PDE1C: variants seen among roughly 807,000 people sequenced by gnomAD.
The protein encoded by PDE1C is phosphodiesterase 1C, also known as dual specificity calcium/calmodulin-dependent 3',5'-cyclic nucleotide phosphodiesterase 1C.
In PDE1C, 62 loss-of-function variants were observed where a neutral mutation model predicts 93.1. The observed-to-expected ratio is 0.67, with a 90% CI of 0.54 to 0.82. PDE1C has a LOEUF of 0.82. Among genes scored for constraint, PDE1C ranks in the 40% least tolerant of loss-of-function variants. The pLI is 0.00. For synonymous variants in PDE1C, 325 were observed against 310.1 expected (o/e 1.05, Z -0.50); for missense variants, 742 against 884.6 (o/e 0.84, Z 2.04).
chr7:32,406,982 A>C (rs959485556), intron 1 of PDE1C, among the ~76,000 whole-genome samples: 1 of 152,212 alleles, frequency 6.6e-6, no homozygotes, highest in African/African-American at 2.4e-5. Flanking sequence ...TGGAAGTTAA[A>C]AAACAAAAAC....
chr7:32,381,393 C>G (rs1784531525), intron 1 of PDE1C, among the ~76,000 whole-genome samples: 1 of 152,088 alleles, frequency 6.6e-6, no homozygotes, highest in East Asian at 1.9e-4. Context: ...TCAACTCACC[C>G]TCACCATGGC....
At chr7:31,969,083 G>A (rs1356470552) in intron 2 of PDE1C, among the ~76,000 whole-genome samples, 1 of 152,084 alleles carries the variant, frequency 6.6e-6, no homozygotes, top group Non-Finnish European at 1.5e-5. Context: ...AAGGATTCCA[G>A]GTCTAAAACA....
At chr7:32,078,124 A>G (rs1334859184) in intron 3 of PDE1C, 1 of 668,844 alleles carries the variant, frequency 1.5e-6, no homozygotes. Flanking sequence ...CCAAAGGTAC[A>G]TAAATCAGCG....
the PDE1C span, chr7:31,658,423 T>G: frequency 1.4e-6 from 2 of 1,476,070 alleles, no homozygotes; most frequent in Non-Finnish European, 1.8e-6. Context: ...AATAATCAGT[T>G]TCCAGAGTAT....
the PDE1C span, among the ~76,000 whole-genome samples, chr7:31,702,513 C>T: frequency 6.6e-6 from 1 of 152,198 alleles, no homozygotes; most frequent in African/African-American, 2.4e-5. Context: ...TCAGCCAGCT[C>T]GAAGCCTCTG....
At chr7:32,116,018 A>T (rs1020003091) in intron 3 of PDE1C, among the ~76,000 whole-genome samples, 5 of 152,224 alleles carry the variant, frequency 3.3e-5, no homozygotes, top group African/African-American at 4.8e-5. Flanking sequence ...AAATCTCAGG[A>T]AATTGGGATA....
At chr7:31,677,312 G>T in the PDE1C span, among the ~76,000 whole-genome samples, 1 of 152,060 alleles carries the variant, frequency 6.6e-6, no homozygotes, top group South Asian at 2.1e-4. Context: ...TTTTGTGAAG[G>T]GAGACAATTG....
chr7:32,123,525 T>G (rs1306771221), intron 3 of PDE1C, among the ~76,000 whole-genome samples: 1 of 152,140 alleles, frequency 6.6e-6, no homozygotes, highest in South Asian at 2.1e-4. Flanking sequence ...GTTGGCTTCA[T>G]CCCTGGGATG....
At chr7:32,070,941 G>A (rs762753528), upstream of PDE1C, 73 of 985,194 alleles carry the variant, frequency 7.4e-5, no homozygotes, top group Non-Finnish European at 8.3e-5. Flanking sequence ...CTCCCTGGCC[G>A]CGCCTGCCTT....
chr7:31,621,924 T>C, the PDE1C span, among the ~76,000 whole-genome samples: 4 of 150,464 alleles, frequency 2.7e-5, no homozygotes, highest in South Asian at 2.1e-4. Flanking sequence ...ACCAAGCCAA[T>C]GGAAAACAAA....
At chr7:32,212,847 C>A (rs915437202) in intron 1 of PDE1C, among the ~76,000 whole-genome samples, 1 of 152,158 alleles carries the variant, frequency 6.6e-6, no homozygotes, top group Admixed American at 6.5e-5. Context: ...TGTTCTCAAA[C>A]TTCAGCAGGC....
intron 14 of PDE1C, among the ~76,000 whole-genome samples, chr7:31,821,213 G>T (rs1433922271): frequency 6.6e-6 from 1 of 152,078 alleles, no homozygotes; most frequent in African/African-American, 2.4e-5. Flanking sequence ...AAACTCCCAA[G>T]CAAGGCTACA....
At chr7:32,248,031 A>G (rs763438139) in intron 1 of PDE1C, among the ~76,000 whole-genome samples, 9 of 152,234 alleles carry the variant, frequency 5.9e-5, no homozygotes, top group Non-Finnish European at 1.2e-4. Context: ...TCAGTAAGTA[A>G]CAATATACTA....
At chr7:31,904,830 T>C (rs1800395774) in intron 2 of PDE1C, among the ~76,000 whole-genome samples, 1 of 152,188 alleles carries the variant, frequency 6.6e-6, no homozygotes, top group Non-Finnish European at 1.5e-5. Flanking sequence ...ACCATATTTG[T>C]TGATGAAATA....
At chr7:32,078,165 T>C (rs762553101) in intron 3 of PDE1C, among the ~76,000 whole-genome samples, 10 of 152,140 alleles carry the variant, frequency 6.6e-5, no homozygotes, top group Non-Finnish European at 1.0e-4. Flanking sequence ...TAAAGCAAAT[T>C]TGAATATGGA....
chr7:31,789,691 G>C, intron 16 of PDE1C: 2 of 985,086 alleles, frequency 2.0e-6, no homozygotes, highest in Non-Finnish European at 2.4e-6. Flanking sequence ...AAGGAAATTG[G>C]AGAAAACAAA....
intron 2 of PDE1C, among the ~76,000 whole-genome samples, chr7:31,955,023 A>G (rs1381971253): frequency 6.6e-6 from 1 of 152,218 alleles, no homozygotes; most frequent in African/African-American, 2.4e-5. Flanking sequence ...ATGTGAATAA[A>G]TAACTTTTCG....
At chr7:31,835,538 G>C (rs1790966711) in intron 11 of PDE1C, among the ~76,000 whole-genome samples, 1 of 151,878 alleles carries the variant, frequency 6.6e-6, no homozygotes, top group Non-Finnish European at 1.5e-5. Flanking sequence ...GTGTGTGTGT[G>C]TGTGTGTGTG....
At chr7:31,769,403 ATGAATTTGTTTT>A (rs1406672059) in intron 17 of PDE1C, among the ~76,000 whole-genome samples, 2 of 152,280 alleles carry the variant, frequency 1.3e-5, no homozygotes, top group Non-Finnish European at 2.9e-5. Context: ...GTCTTTAGGT[ATGAATTTGTTTT>A]TGTTTAGTTA....
Sources: allele counts gnomAD v4.1 joint callset (sites outside exome capture counted in the v4.1 genomes callset), GRCh38; gene constraint gnomAD v4.1.1; transcripts MANE v1.5; gene names NCBI Gene and HGNC (gene_info 2026-07-23, HGNC 2026-07-21).